Variants in SND1 observed in about 807,000 individuals in gnomAD.
The protein encoded by SND1 is staphylococcal nuclease domain-containing protein 1.
In SND1, 38 loss-of-function variants were observed where a neutral mutation model predicts 121.7. The ratio of observed to expected loss-of-function variants is 0.31; its 90% CI spans 0.24 to 0.41. The LOEUF is 0.41. Among genes scored for constraint, SND1 ranks in the 10% least tolerant of loss-of-function variants. The pLI is 1.00. For synonymous variants in SND1, 401 were observed against 447.4 expected, an observed-to-expected ratio of 0.90 and a Z score of 1.31; for missense variants, 868 against 1,184.6, an observed-to-expected ratio of 0.73 and a Z score of 3.92.
intron 14 of SND1, among the ~76,000 whole-genome samples, chr7:127,921,266 A>G (rs1034091113): frequency 6.6e-6 from 1 of 152,316 alleles, no homozygotes; most frequent in African/African-American, 2.4e-5. Flanking sequence ...CTATTGCCCA[A>G]GAGTTTAGAC....
chr7:127,845,858 A>G (rs186333492), intron 12 of SND1, among the ~76,000 whole-genome samples: 1 of 152,378 alleles, frequency 6.6e-6, no homozygotes, highest in Non-Finnish European at 1.5e-5. Context: ...ACTGCTTAAA[A>G]TGAGATATTC....
intron 15 of SND1, among the ~76,000 whole-genome samples, chr7:127,945,672 C>T (rs1801314472): frequency 1.3e-5 from 2 of 152,102 alleles, no homozygotes; most frequent in African/African-American, 4.8e-5. Flanking sequence ...GTCACAGAGC[C>T]TCGCCAGGCC....
Position 127,736,596 on chromosome 7 carries a change from G to A in SND1, c.1152+15196G>A, listed in dbSNP as rs562086163. On this transcript the variant is annotated intron_variant, in intron 10 of 23. Transcript: ENST00000354725. Reference sequence around the variant, plus strand: ...TAGCTCTTAGGTAAGTTGTGCTGTCGTACAATGTATGCGGTTTGTACCACA... The same window carrying A: ...TAGCTCTTAGGTAAGTTGTGCTGTCATACAATGTATGCGGTTTGTACCACA... Among the ~76,000 whole-genome samples the A allele has an allele frequency of 9.2e-5, 14 of 152,302 alleles. No homozygotes were observed. The East Asian group carries it at 2.3e-3, about 25-fold the overall frequency.
intron 15 of SND1, among the ~76,000 whole-genome samples, chr7:127,990,376 C>G (rs1306873678): frequency 2.0e-5 from 3 of 152,056 alleles, no homozygotes; most frequent in African/African-American, 7.2e-5. Flanking sequence ...TTTTCTGTCT[C>G]TCATTCTGAA....
At chr7:127,951,189 A>G (rs1177242612) in intron 15 of SND1, among the ~76,000 whole-genome samples, 2 of 152,194 alleles carry the variant, frequency 1.3e-5, no homozygotes, top group East Asian at 3.9e-4. Flanking sequence ...CTAGGAACCA[A>G]TGGATAAAGA....
chr7:127,749,663 T>C (rs1255967639), intron 10 of SND1, among the ~76,000 whole-genome samples: 1 of 152,234 alleles, frequency 6.6e-6, no homozygotes, highest in Non-Finnish European at 1.5e-5. Context: ...TGTAGATTTA[T>C]CAATAGAGAT....
intron 11 of SND1, among the ~76,000 whole-genome samples, chr7:127,839,022 C>T (rs1031301458): frequency 6.6e-6 from 1 of 152,176 alleles, no homozygotes; most frequent in Non-Finnish European, 1.5e-5. Context: ...GAAGTTAGGT[C>T]GCTTATCTAA....
intron 11 of SND1, among the ~76,000 whole-genome samples, chr7:127,841,225 A>G (rs917832): frequency 0.67 from 101,707 of 151,924 alleles, 34,875 homozygotes; most frequent in East Asian, 0.92. Context: ...TGAGAAGGAG[A>G]TTTGGCATTG....
intron 10 of SND1, among the ~76,000 whole-genome samples, chr7:127,790,419 G>C (rs1797886886): frequency 6.6e-6 from 1 of 152,184 alleles, no homozygotes; most frequent in Non-Finnish European, 1.5e-5. Context: ...AGCCGTTAAA[G>C]AGGAATCATA....
intron 15 of SND1, among the ~76,000 whole-genome samples, chr7:127,976,525 A>C (rs1802124333): frequency 6.6e-6 from 1 of 152,216 alleles, no homozygotes; most frequent in African/African-American, 2.4e-5. Flanking sequence ...AGGGGCTAAA[A>C]AGCTTCCGTT....
intron 16 of SND1, among the ~76,000 whole-genome samples, chr7:128,035,601 G>T (rs183185257): frequency 5.1e-4 from 77 of 152,326 alleles, no homozygotes; most frequent in Non-Finnish European, 1.3e-4. Context: ...TTTGACCTCA[G>T]TTCCTCTAAG....
At chr7:128,054,905 C>T (rs925825824) in intron 16 of SND1, among the ~76,000 whole-genome samples, 3 of 152,200 alleles carry the variant, frequency 2.0e-5, no homozygotes, top group Non-Finnish European at 2.9e-5. Context: ...AGCAGAAAGC[C>T]ATACACAGCA....
intron 10 of SND1, among the ~76,000 whole-genome samples, chr7:127,795,683 A>C (rs1286679615): frequency 6.6e-6 from 1 of 152,158 alleles, no homozygotes; most frequent in African/African-American, 2.4e-5. Flanking sequence ...CTTAGGTCAA[A>C]AGAGAGCATA....
intron 14 of SND1, among the ~76,000 whole-genome samples, chr7:127,907,582 T>G (rs1230325583): frequency 6.6e-6 from 1 of 152,194 alleles, no homozygotes; most frequent in Non-Finnish European, 1.5e-5. Context: ...TCTGCCAAAA[T>G]AATTTACAAT....
Position 128,091,977 on chromosome 7 carries a change from CTG to C in SND1, c.2668-14_2668-13del, listed in dbSNP as rs755798643. On this transcript the variant is annotated splice_polypyrimidine_tract_variant and intron_variant, in intron 23 of 23. Transcript: ENST00000354725. ...TCCCGTATCCCTGAAGAGCTATTGT[CTG>C]TTTTTTCTTACAGCTGAACCTGTGG... The C allele has an allele frequency of 6.2e-7, 1 of 1,614,178 alleles. No homozygotes were observed. Among genetic ancestry groups the C allele is most frequent in the South Asian group, 1.1e-5 (1 of 91,064 alleles).
At chr7:127,687,017 A>G (rs954650513) in intron 2 of SND1, 2 of 367,150 alleles carry the variant, frequency 5.4e-6, no homozygotes, top group African/African-American at 2.1e-5. Flanking sequence ...TGTTTTCACT[A>G]CTACTTTTCT....
At chr7:127,797,550 G>A (rs1417109912) in intron 10 of SND1, among the ~76,000 whole-genome samples, 1 of 152,154 alleles carries the variant, frequency 6.6e-6, no homozygotes, top group African/African-American at 2.4e-5. Flanking sequence ...AGAGCACTTC[G>A]GGGGTGGGAA....
chr7:127,961,880 A>C (rs1031659580), intron 15 of SND1, among the ~76,000 whole-genome samples: 2 of 152,212 alleles, frequency 1.3e-5, no homozygotes, highest in Admixed American at 6.5e-5. Context: ...CTCCTGCAAC[A>C]ACAGAGTTGC....
At chr7:127,769,436 G>A (rs890166427) in intron 10 of SND1, among the ~76,000 whole-genome samples, 2 of 152,194 alleles carry the variant, frequency 1.3e-5, no homozygotes, top group African/African-American at 4.8e-5. Flanking sequence ...TCTACCTGGA[G>A]TATTGAATTC....
Sources: gnomAD v4.1 joint callset for allele counts (sites outside exome capture counted in the v4.1 genomes callset) on GRCh38, gnomAD v4.1.1 for gene constraint, MANE v1.5 for transcripts, NCBI Gene and HGNC (gene_info 2026-07-23, HGNC 2026-07-21) for gene names.